The following MRPS33 variants were observed in gnomAD, a reference collection of about 807,000 sequenced individuals.
MRPS33 encodes mitochondrial ribosomal protein S33.
A neutral mutation model predicts 11.2 loss-of-function variants in MRPS33; 11 were observed. The ratio of observed to expected loss-of-function variants is 0.99; its 90% confidence interval spans 0.62 to 1.63. MRPS33 has a LOEUF of 1.63. Among genes scored for constraint, MRPS33 ranks in the 40% most tolerant of loss-of-function variants. The pLI, the probability that MRPS33 is intolerant of heterozygous loss-of-function variation, is 0.00. For synonymous variants in MRPS33, 46 were observed against 44.0 expected (o/e 1.05, Z -0.18); for missense variants, 109 against 127.8 (o/e 0.85, Z 0.71).
At chr7:141,012,426 T>C (rs529790004) in intron 1 of MRPS33, among the ~76,000 whole-genome samples, 1 of 152,178 alleles carries the variant, frequency 6.6e-6, no homozygotes, top group South Asian at 2.1e-4. Flanking sequence ...GGGGGTGGGG[T>C]TGTTAGGACT....
intron 1 of MRPS33, among the ~76,000 whole-genome samples, chr7:141,012,091 G>GAGCAC (rs1351735815): frequency 1.4e-5 from 2 of 142,744 alleles, no homozygotes; most frequent in Non-Finnish European, 3.0e-5. Flanking sequence ...GACATCACTT[G>GAGCAC]AGCACAGGAG....
intron 2 of MRPS33, among the ~76,000 whole-genome samples, chr7:141,007,629 G>T (rs530619181): frequency 6.6e-6 from 1 of 152,220 alleles, no homozygotes; most frequent in East Asian, 1.9e-4. Context: ...CCCGGTACCT[G>T]CACGCCTCCT....
intron 1 of MRPS33, among the ~76,000 whole-genome samples, chr7:141,013,766 C>T (rs1427656610): frequency 2.6e-5 from 4 of 152,212 alleles, no homozygotes; most frequent in African/African-American, 7.2e-5. Context: ...ATTAAGCCCA[C>T]ATGAGAAGAA....
At chr7:141,012,074 G>C (rs1468141083) in intron 1 of MRPS33, among the ~76,000 whole-genome samples, 1 of 147,422 alleles carries the variant, frequency 6.8e-6, no homozygotes, top group East Asian at 2.0e-4. Flanking sequence ...TGGAGGCTGA[G>C]GAGGGGGACA....
At chr7:141,009,041 C>T (rs1323115669) in intron 2 of MRPS33, among the ~76,000 whole-genome samples, 3 of 147,530 alleles carry the variant, frequency 2.0e-5, no homozygotes, top group South Asian at 2.2e-4. Context: ...GTGGTCTGCC[C>T]GCCTTGGCCT....
rs1377198415 is a variant in MRPS33 at position 141,006,549 on chromosome 7, G to A, written c.216-14C>T. On this transcript the variant is annotated splice_polypyrimidine_tract_variant and intron_variant, in intron 2 of 2. Transcript: ENST00000324787. ...TGATGCTCATCTCTGAATGAAGAAGGAAAAAATAATTAACCAGTTATTTTT... is the reference window on the plus strand; with the variant it reads ...TGATGCTCATCTCTGAATGAAGAAGAAAAAAATAATTAACCAGTTATTTTT... 1.2e-6 allele frequency: 2 copies of A among 1,601,878 alleles called. No homozygotes were observed. The highest frequency in any genetic ancestry group is 1.3e-5 in the African/African-American group (1 of 74,376).
intron 1 of MRPS33, among the ~76,000 whole-genome samples, chr7:141,014,032 C>A (rs1208191450): frequency 6.6e-6 from 1 of 152,128 alleles, no homozygotes; most frequent in East Asian, 1.9e-4. Context: ...GAGCTTTCTC[C>A]AGTTTCCCAA....
At chr7:141,012,172 T>TGAGAAAAAAAAAAAAA (rs1302725022) in intron 1 of MRPS33, among the ~76,000 whole-genome samples, 1 of 4,826 alleles carries the variant, frequency 2.1e-4, no homozygotes, top group African/African-American at 8.1e-4. Context: ...AGATTGTGTG[T>TGAGAAAAAAAAAAAAA]CAAAAAAAAA....
At chr7:141,009,386 C>T (rs1410630516) in intron 2 of MRPS33, among the ~76,000 whole-genome samples, 9 of 151,948 alleles carry the variant, frequency 5.9e-5, no homozygotes, top group Non-Finnish European at 4.4e-5. Flanking sequence ...TCTGCCTCGG[C>T]CTCCCAAAGC....
chr7:141,014,410 C>A (rs560423392), intron 1 of MRPS33: 3 of 152,240 alleles, frequency 2.0e-5, no homozygotes, highest in Non-Finnish European at 4.4e-5. Context: ...TAGCTGCATT[C>A]AGTTCATCAA....
At chr7:141,006,884 G>A (rs983203213) in intron 2 of MRPS33, among the ~76,000 whole-genome samples, 1 of 152,180 alleles carries the variant, frequency 6.6e-6, no homozygotes, top group Non-Finnish European at 1.5e-5. Flanking sequence ...GAGACAAAGT[G>A]GGAATCTGCT....
intron 2 of MRPS33, 36 bp from the exon 3 acceptor site, chr7:141,006,571 T>C: frequency 1.9e-6 from 3 of 1,557,484 alleles, no homozygotes; most frequent in Non-Finnish European, 2.7e-6. Context: ...AACCAGTTAT[T>C]TTTACGAGTA....
chr7:141,006,354 A>G lies in MRPS33; in HGVS notation c.*76T>C, dbSNP rs1030164133. ...CATTTAGGAAGATGACATTCCTCCA[A>G]TAGGTGGAAAGACAATAAATGCACT... On this transcript the variant is annotated 3_prime_UTR_variant, in exon 3 of 3. Transcript: ENST00000324787. The G allele has an allele frequency of 9.0e-6, 11 of 1,222,088 alleles. No individual in the cohort carries two copies. The highest frequency in any genetic ancestry group is 1.9e-5 in the Admixed American group (1 of 53,344). The allele number at this position is 1,222,088 out of a possible 1,614,324, so 75.7% of individuals were successfully genotyped here.
At position 141,010,206 on chromosome 7, in the gene MRPS33, T is replaced by C. The variant is rs1460026626; in HGVS notation, c.215+213A>G. On this transcript the variant is annotated intron_variant, in intron 2 of 2. Transcript: ENST00000324787. ...AGTCATGTTGTAGACATAATTAAAA[T>C]ATATCTTCCAACAAGCATGAATTTC... 3 of 554,420 alleles carry C rather than the reference T, an allele frequency of 5.4e-6. No individual in the cohort carries two copies. The Admixed American group carries it at 9.7e-5, about 18-fold the overall frequency. The allele number at this position is 554,420 out of a possible 1,614,324, so 34.3% of individuals were successfully genotyped here. A position where few individuals can be genotyped will look rare whatever the true frequency, so the allele number is the denominator to read the frequency against.
chr7:141,008,071 T>G (rs757916756), intron 2 of MRPS33, among the ~76,000 whole-genome samples: 2 of 152,166 alleles, frequency 1.3e-5, no homozygotes, highest in Non-Finnish European at 2.9e-5. Flanking sequence ...CTTCCCTCCC[T>G]CTTTTGCAGA....
Position 141,007,497 on chromosome 7 carries a change from G to A in MRPS33, c.216-962C>T, listed in dbSNP as rs557131144. Among the ~76,000 whole-genome samples, 3 of 152,242 alleles carry A rather than the reference G, an allele frequency of 2.0e-5. No individual in the cohort carries two copies. In the South Asian group the frequency reaches 6.2e-4, roughly 32 times the overall value. On this transcript the variant is annotated intron_variant, in intron 2 of 2. Coordinates refer to ENST00000324787, the MANE Select transcript of MRPS33 (RefSeq NM_053035.3). Reference sequence around the variant, plus strand: ...CTGGTATAATTCTTCTAAAATATATGTCAGATCATGCTACTCCTGTTCATA... The same window carrying A: ...CTGGTATAATTCTTCTAAAATATATATCAGATCATGCTACTCCTGTTCATA...
intron 2 of MRPS33, among the ~76,000 whole-genome samples, chr7:141,007,865 C>T (rs953273381): frequency 6.6e-6 from 1 of 152,206 alleles, no homozygotes; most frequent in Non-Finnish European, 1.5e-5. Context: ...GCCGGCTCTA[C>T]TATTTTTTTC....
rs750808476 is a variant in MRPS33, at chr7:141,006,281, CG to C, written c.*148del. The C allele has an allele frequency of 1.6e-5, 11 of 698,398 alleles. No individual in the cohort carries two copies. Among genetic ancestry groups the C allele is most frequent in the African/African-American group, 3.6e-5 (2 of 55,890 alleles). 43.3% of individuals were successfully genotyped at this position (698,398 alleles called of 1,614,324 possible). A position where few individuals can be genotyped will look rare whatever the true frequency, so the allele number is the denominator to read the frequency against. On this transcript the variant is annotated 3_prime_UTR_variant, in exon 3 of 3. Transcript: ENST00000324787. ...TTCAAGAAACCAGCCACAATGTAACCGGATTAGATTTCACCAAGGAGATGAC... is the reference window on the plus strand; with the variant it reads ...TTCAAGAAACCAGCCACAATGTAACCGATTAGATTTCACCAAGGAGATGAC...
chr7:141,002,881 G>A lies in MRPS33; in HGVS notation c.*3549C>T, dbSNP rs952883538. The stretch of plus-strand genomic sequence containing the variant: ...CGTGTCAATGCTGCCACAGAAAATT[G>A]CGCTAGTAAGACACAGCAGTACTTA... On this transcript the variant is annotated 3_prime_UTR_variant, in exon 3 of 3. Coordinates refer to ENST00000324787, the MANE Select transcript of MRPS33 (RefSeq NM_053035.3). 5.2e-5 allele frequency: 8 copies of A among 153,918 alleles called. No homozygotes were observed. The highest frequency in any genetic ancestry group is 1.9e-4 in the African/African-American group (8 of 41,400). The allele number at this position is 153,918 out of a possible 1,614,324, so 9.5% of individuals were successfully genotyped here. A position where few individuals can be genotyped will look rare whatever the true frequency, so the allele number is the denominator to read the frequency against.
Sources: allele counts gnomAD v4.1 joint callset (sites outside exome capture counted in the v4.1 genomes callset), GRCh38; gene constraint gnomAD v4.1.1; transcripts MANE v1.5; gene names NCBI Gene and HGNC (gene_info 2026-07-23, HGNC 2026-07-21).